The following OPRK1 variants were observed in gnomAD, a reference collection of about 807,000 sequenced individuals.
OPRK1 encodes the protein kappa-type opioid receptor.
A neutral mutation model predicts 24.5 loss-of-function variants in OPRK1; 15 were observed. The observed-to-expected ratio is 0.61, with a 90% CI of 0.41 to 0.94. The LOEUF is 0.94. Among genes scored for constraint, OPRK1 ranks in the 40% least tolerant of loss-of-function variants. The pLI is 0.00. For synonymous variants in OPRK1, 205 were observed against 198.0 expected, an observed-to-expected ratio of 1.04 and a Z score of -0.30; for missense variants, 479 against 507.3, an observed-to-expected ratio of 0.94 and a Z score of 0.54.
intron 2 of OPRK1, among the ~76,000 whole-genome samples, chr8:53,236,708 C>A (rs781758983): frequency 6.6e-6 from 1 of 152,246 alleles, no homozygotes; most frequent in Admixed American, 6.5e-5. Context: ...ATGAGAAAGA[C>A]TGAAATGCTA....
intron 2 of OPRK1, among the ~76,000 whole-genome samples, chr8:53,240,101 T>C (rs1654056246): frequency 6.6e-6 from 1 of 152,182 alleles, no homozygotes; most frequent in Non-Finnish European, 1.5e-5. Context: ...GCAGAAATAC[T>C]GTAATAATAC....
At chr8:53,243,879 T>C (rs1055520588) in intron 2 of OPRK1, among the ~76,000 whole-genome samples, 2 of 152,114 alleles carry the variant, frequency 1.3e-5, no homozygotes, top group East Asian at 1.9e-4. Context: ...GGAGCAGCCA[T>C]TGGTGAATTA....
chr8:53,226,618 A>C lies in OPRK1; in HGVS notation c.*2679T>G, dbSNP rs1806696763. The C allele has an allele frequency of 6.6e-6, 1 of 152,284 alleles. No homozygotes were observed. The highest frequency in any genetic ancestry group is 1.5e-5 in the Non-Finnish European group (1 of 68,052). The allele number at this position is 152,284 out of a possible 1,614,324, so 9.4% of individuals were successfully genotyped here. The stretch of plus-strand genomic sequence containing the variant: ...ACAAATGCATTGCCTGGAACAATGA[A>C]TAAATGGCAATGTGGTCCCTGCTTC... On this transcript the variant is annotated 3_prime_UTR_variant, in exon 4 of 4. Transcript: ENST00000265572.
At chr8:53,235,199 A>G (rs754067363) in intron 2 of OPRK1, 88 bp from the exon 3 acceptor site, 1 of 1,125,848 alleles carries the variant, frequency 8.9e-7, no homozygotes, top group Non-Finnish European at 1.3e-6. Context: ...TGGATTACTG[A>G]TTTTGCTTCT....
intron 3 of OPRK1, among the ~76,000 whole-genome samples, chr8:53,233,297 G>A (rs927693988): frequency 6.6e-6 from 1 of 152,148 alleles, no homozygotes; most frequent in African/African-American, 2.4e-5. Context: ...GTAATAAATG[G>A]ACCACTCTGT....
intron 2 of OPRK1, among the ~76,000 whole-genome samples, chr8:53,248,181 G>C (rs1040858283): frequency 1.4e-4 from 21 of 151,984 alleles, no homozygotes; most frequent in African/African-American, 4.1e-4. Flanking sequence ...TAAATGATGA[G>C]AACTCTTGAA....
rs79231617 is a variant in OPRK1, at chr8:53,230,408, A to G, written c.611-579T>C. 1.6e-4 allele frequency among the ~76,000 whole-genome samples: 24 copies of G among 152,288 alleles called. No individual in the cohort carries two copies. The East Asian group carries it at 4.4e-3, about 28-fold the overall frequency. The stretch of plus-strand genomic sequence containing the variant: ...CAAGTATTGTCATTTAATGGAACCA[A>G]TGACACTCATTGTGATTAAGGGCAT... On this transcript the variant is annotated intron_variant, in intron 3 of 3. Transcript: ENST00000265572.
At chr8:53,229,851 C>CACA (rs748594695) in intron 3 of OPRK1, 22 bp from the exon 4 acceptor site, 1 of 1,523,596 alleles carries the variant, frequency 6.6e-7, no homozygotes, top group Non-Finnish European at 8.8e-7. Context: ...CAATAAAAAC[C>CACA]ACAACACAGA....
intron 2 of OPRK1, among the ~76,000 whole-genome samples, chr8:53,237,390 T>C (rs573166216): frequency 5.3e-5 from 8 of 152,316 alleles, no homozygotes; most frequent in South Asian, 2.1e-4. Flanking sequence ...TTATAGCCAA[T>C]AGATGTATGA....
intron 2 of OPRK1, among the ~76,000 whole-genome samples, chr8:53,235,950 G>C (rs973251991): frequency 6.6e-6 from 1 of 152,130 alleles, no homozygotes; most frequent in Non-Finnish European, 1.5e-5. Context: ...GGGTTGTTTT[G>C]CTTAGAGAAT....
At position 53,245,108 on chromosome 8, in the gene OPRK1, T is replaced by C. The variant is rs148834453; in HGVS notation, c.257+5673A>G. Among the ~76,000 whole-genome samples, 794 of 152,346 alleles carry C rather than the reference T, an allele frequency of 5.2e-3. 8 individuals are homozygous for C. The highest frequency in any genetic ancestry group is 0.018 in the African/African-American group (734 of 41,568). On this transcript the variant is annotated intron_variant, in intron 2 of 3. Transcript: ENST00000265572. Reference sequence around the variant, plus strand: ...AATGACAAGAAAGAAAGTCTGTACATCTTCAGTGCAGGTGCAATTTAAAAA... The same window carrying C: ...AATGACAAGAAAGAAAGTCTGTACACCTTCAGTGCAGGTGCAATTTAAAAA...
In OPRK1 at chr8:53,225,905, G is replaced by C. The variant is rs1806670054; in HGVS notation, c.*3392C>G. ...AGGAAGCTGGGTTATACCGTTTTTG[G>C]ATGTGATTTTCGTATTTATACTGAA... is the stretch of plus-strand genomic sequence containing the variant. On this transcript the variant is annotated 3_prime_UTR_variant, in exon 4 of 4. Coordinates refer to ENST00000265572, the MANE Select transcript of OPRK1 (RefSeq NM_000912.5). The C allele has an allele frequency of 6.6e-6, 1 of 152,392 alleles. No homozygotes were observed. The highest frequency in any genetic ancestry group is 1.5e-5 in the Non-Finnish European group (1 of 68,022). The allele number at this position is 152,392 out of a possible 1,614,324, so 9.4% of individuals were successfully genotyped here.
intron 2 of OPRK1, among the ~76,000 whole-genome samples, chr8:53,241,027 G>A (rs1807102883): frequency 6.6e-6 from 1 of 151,300 alleles, no homozygotes; most frequent in Non-Finnish European, 1.5e-5. Flanking sequence ...TCTGATGTAA[G>A]GTATGGCCTC....
Position 53,243,659 on chromosome 8 carries a change from C to A in OPRK1, c.257+7122G>T, listed in dbSNP as rs931892557. 7.2e-5 allele frequency among the ~76,000 whole-genome samples: 11 copies of A among 152,312 alleles called. No homozygotes were observed. The East Asian group carries it at 2.1e-3, about 29-fold the overall frequency. ...TTTGGCTAATCCACATAAGCAGTTG[C>A]AATTCTCTCTTTCAAAAGGTTGTCA... is the stretch of plus-strand genomic sequence containing the variant. On this transcript the variant is annotated intron_variant, in intron 2 of 3. Transcript: ENST00000265572.
At chr8:53,233,558 A>AACTGGAGCATTTATATACCT (rs1806906537) in intron 3 of OPRK1, among the ~76,000 whole-genome samples, 4 of 152,180 alleles carry the variant, frequency 2.6e-5, no homozygotes. Flanking sequence ...CCCCCTAGTA[A>AACTGGAGCATTTATATACCT]ACTGGAGCAT....
intron 3 of OPRK1, among the ~76,000 whole-genome samples, chr8:53,232,059 G>A (rs768474911): frequency 6.6e-6 from 1 of 152,166 alleles, no homozygotes. Context: ...AATTTGTAGC[G>A]TAAAGAGAGT....
At position 53,234,708 on chromosome 8, in the gene OPRK1, A is replaced by G. The variant is rs757210834; in HGVS notation, c.610+51T>C. ...CTACTCACGCTCAAATTAAAAGTCTATGTAATTTGAAGCTACATTTTTATG... is the reference window on the plus strand; with the variant it reads ...CTACTCACGCTCAAATTAAAAGTCTGTGTAATTTGAAGCTACATTTTTATG... On this transcript the variant is annotated intron_variant, in intron 3 of 3. Coordinates refer to ENST00000265572, the MANE Select transcript of OPRK1 (RefSeq NM_000912.5). 14 of 1,472,340 alleles carry G rather than the reference A, an allele frequency of 9.5e-6. No homozygotes were observed. The East Asian group carries it at 2.1e-4, about 22-fold the overall frequency. 91.2% of individuals were successfully genotyped at this position (1,472,340 alleles called of 1,614,324 possible). A position where few individuals can be genotyped will look rare whatever the true frequency, so the allele number is the denominator to read the frequency against.
chr8:53,227,618 A>G lies in OPRK1; in HGVS notation c.*1679T>C, dbSNP rs1806735394. On this transcript the variant is annotated 3_prime_UTR_variant, in exon 4 of 4. Coordinates refer to ENST00000265572, the MANE Select transcript of OPRK1 (RefSeq NM_000912.5). Reference sequence around the variant, plus strand: ...AAAAGAGCACTTCATTTTCATTAGGAGAAATCACTTCCATTCTGCCATATG... The same window carrying G: ...AAAAGAGCACTTCATTTTCATTAGGGGAAATCACTTCCATTCTGCCATATG... The G allele has an allele frequency of 6.6e-6, 1 of 152,162 alleles. No homozygotes were observed. Among genetic ancestry groups the G allele is most frequent in the Non-Finnish European group, 1.5e-5 (1 of 68,038 alleles). The allele number at this position is 152,162 out of a possible 1,614,324, so 9.4% of individuals were successfully genotyped here.
chr8:53,245,042 A>G lies in OPRK1; in HGVS notation c.257+5739T>C, dbSNP rs750680356. Among the ~76,000 whole-genome samples, 3 of 152,348 alleles carry G rather than the reference A, an allele frequency of 2.0e-5. No individual in the cohort carries two copies. In the South Asian group the frequency reaches 6.2e-4, roughly 32 times the overall value. ...ACTTATAATACCTACTACAATGTAAAGGTTATGTAAATAGTTGTTATACTC... is the reference window on the plus strand; with the variant it reads ...ACTTATAATACCTACTACAATGTAAGGGTTATGTAAATAGTTGTTATACTC... On this transcript the variant is annotated intron_variant, in intron 2 of 3. Coordinates refer to ENST00000265572, the MANE Select transcript of OPRK1 (RefSeq NM_000912.5).
Sources: gnomAD v4.1 joint callset for allele counts (sites outside exome capture counted in the v4.1 genomes callset) on GRCh38, gnomAD v4.1.1 for gene constraint, MANE v1.5 for transcripts, NCBI Gene and HGNC (gene_info 2026-07-23, HGNC 2026-07-21) for gene names.